ABI3BP: variants seen among roughly 807,000 people sequenced by gnomAD.
The protein encoded by ABI3BP is target of Nesh-SH3.
In ABI3BP, 216 loss-of-function variants were observed where a neutral mutation model predicts 268.6. The observed-to-expected ratio is 0.80, with a 90% CI of 0.72 to 0.90. ABI3BP has a LOEUF of 0.90. Among genes scored for constraint, ABI3BP ranks in the 40% least tolerant of loss-of-function variants. The probability of loss-of-function intolerance (pLI) is 0.00; values close to 1 mark genes in which losing one functional copy is unlikely to be tolerated. For missense variants in ABI3BP, 2,090 were observed against 2,182.4 expected (o/e 0.96, Z 0.84); for synonymous variants, 730 against 730.0 (o/e 1.00, Z 0.00).
intron 1 of ABI3BP, among the ~76,000 whole-genome samples, chr3:100,976,032 T>C (rs778027385): frequency 3.3e-5 from 5 of 152,162 alleles, no homozygotes; most frequent in Non-Finnish European, 5.9e-5. Flanking sequence ...GTGATAACGG[T>C]CTGTGATTTT....
chr3:100,780,193 G>T lies in ABI3BP; in HGVS notation c.4179C>A (p.Pro1393=). ...CATTTCTATCAGCACCTGATGGCCT[G>T]GGTGCTTGCTTGACCCCTATGAGCA... ...NGVGTGVKQA[P]RPSGADRNVS... The change falls in exon 58 of 68, where the codon CCC becomes CCA. Residue 1393 remains proline (P), a synonymous_variant. Coordinates refer to ENST00000471714, the MANE Select transcript of ABI3BP (RefSeq NM_001375547.2). 6.2e-7 allele frequency: 1 copy of T among 1,612,700 alleles called. No homozygotes were observed. Among genetic ancestry groups the T allele is most frequent in the Non-Finnish European group, 8.5e-7 (1 of 1,179,080 alleles).
intron 1 of ABI3BP, among the ~76,000 whole-genome samples, chr3:100,927,208 A>G (rs1190779370): frequency 6.6e-6 from 1 of 152,110 alleles, no homozygotes; most frequent in African/African-American, 2.4e-5. Flanking sequence ...AATTCTCAAG[A>G]CATTTATTTT....
At chr3:100,844,890 CTT>C (rs1428897430) in intron 20 of ABI3BP, among the ~76,000 whole-genome samples, 2 of 152,162 alleles carry the variant, frequency 1.3e-5, no homozygotes, top group African/African-American at 4.8e-5. Context: ...ATTAAGAAGT[CTT>C]TTTGCTCAAA....
chr3:100,750,681 A>C, intron 67 of ABI3BP, 71 bp from the exon 68 acceptor site: 1 of 1,094,310 alleles, frequency 9.1e-7, no homozygotes, highest in Non-Finnish European at 1.3e-6. Flanking sequence ...CATAGATTGA[A>C]GGATGTCGTT....
intron 1 of ABI3BP, among the ~76,000 whole-genome samples, chr3:100,956,647 G>A (rs1255247900): frequency 6.6e-6 from 1 of 152,162 alleles, no homozygotes; most frequent in African/African-American, 2.4e-5. Context: ...CTAACCTAAC[G>A]AGTACAGCTG....
At chr3:100,966,743 A>C (rs2081440376) in intron 1 of ABI3BP, among the ~76,000 whole-genome samples, 1 of 152,208 alleles carries the variant, frequency 6.6e-6, no homozygotes, top group Non-Finnish European at 1.5e-5. Flanking sequence ...TAATGTGAGA[A>C]TGTCCTTCTT....
At chr3:100,752,135 C>A (rs141715370) in intron 66 of ABI3BP, among the ~76,000 whole-genome samples, 1 of 152,150 alleles carries the variant, frequency 6.6e-6, no homozygotes, top group Non-Finnish European at 1.5e-5. Context: ...TTTAGAGAGG[C>A]CTTCACCTTT....
intron 23 of ABI3BP, 35 bp from the exon 24 acceptor site, chr3:100,839,651 CAAG>C (rs1414524001): frequency 2.6e-6 from 4 of 1,533,940 alleles, no homozygotes; most frequent in South Asian, 1.2e-5. Context: ...TGAAATATTT[CAAG>C]AAGTGGCATC....
Position 100,809,591 on chromosome 3 carries a change from T to TA in ABI3BP, c.3607+820dup, listed in dbSNP as rs1419245402. 3.9e-5 allele frequency among the ~76,000 whole-genome samples: 6 copies of TA among 152,132 alleles called. No individual in the cohort carries two copies. In the East Asian group the frequency reaches 9.7e-4, roughly 25 times the overall value. ...TTAGTCAATGTGGATTTCTTTTAGT[T>TA]AAAAAACTGTAGGGTTTATAGGCAA... On this transcript the variant is annotated intron_variant, in intron 49 of 67. Transcript: ENST00000471714.
chr3:100,973,340 C>T lies in ABI3BP; in HGVS notation c.79+19966G>A, dbSNP rs1333333918. 3.3e-5 allele frequency among the ~76,000 whole-genome samples: 5 copies of T among 152,252 alleles called. No individual in the cohort carries two copies. In the East Asian group the frequency reaches 9.7e-4, roughly 29 times the overall value. On this transcript the variant is annotated intron_variant, in intron 1 of 67. Transcript: ENST00000471714. ...CCAGTGGCTCACAGGAATCCAACTC[C>T]ATATTTCCCCATAGAAACAACGGTT... is the stretch of plus-strand genomic sequence containing the variant.
rs979617489 is a variant in ABI3BP, at chr3:100,873,856, T to C, written c.910+985A>G. On this transcript the variant is annotated intron_variant, in intron 9 of 67. Transcript: ENST00000471714. ...TTTTGACATAGGGTAATGCATAGTA[T>C]TTGTTGAATGACTGTGGCCAAACAG... Among the ~76,000 whole-genome samples, 41 of 152,268 alleles carry C rather than the reference T, an allele frequency of 2.7e-4. 1 individual carries two copies. Among genetic ancestry groups the C allele is most frequent in the Admixed American group, 2.4e-3 (36 of 15,290 alleles).
At chr3:100,751,452 A>T (rs2095322644) in intron 67 of ABI3BP, 100 bp downstream of exon 67, 10 of 1,269,046 alleles carry the variant, frequency 7.9e-6, no homozygotes, top group Non-Finnish European at 1.0e-5. Context: ...GAGCAGTAGT[A>T]CTATAGAATT....
chr3:100,918,049 AT>A (rs1004075449), intron 2 of ABI3BP, among the ~76,000 whole-genome samples: 2 of 152,182 alleles, frequency 1.3e-5, no homozygotes, highest in Non-Finnish European at 2.9e-5. Flanking sequence ...GGAAAAAAAA[AT>A]CAAATGATTC....
chr3:100,792,072 A>G (rs2097210602), intron 55 of ABI3BP, among the ~76,000 whole-genome samples: 1 of 151,876 alleles, frequency 6.6e-6, no homozygotes, highest in East Asian at 1.9e-4. Flanking sequence ...AGTAGGATAG[A>G]AAAGTGTAAA....
At chr3:100,780,955 T>C (rs1177488648) in intron 57 of ABI3BP, among the ~76,000 whole-genome samples, 8 of 152,310 alleles carry the variant, frequency 5.3e-5, no homozygotes, top group Admixed American at 4.6e-4. Context: ...TTCTTTGATA[T>C]TATAAAATAA....
At chr3:100,990,337 A>C (rs962946867) in intron 1 of ABI3BP, among the ~76,000 whole-genome samples, 5 of 152,154 alleles carry the variant, frequency 3.3e-5, no homozygotes, top group Admixed American at 3.3e-4. Context: ...AGTTATCATT[A>C]GTCCCATTTT....
intron 1 of ABI3BP, among the ~76,000 whole-genome samples, chr3:100,965,487 G>A (rs1315326212): frequency 8.3e-6 from 1 of 119,908 alleles, no homozygotes; most frequent in Non-Finnish European, 1.7e-5. Flanking sequence ...AACATGGAAA[G>A]CCTTTATTCT....
At chr3:100,938,301 A>T (rs930804649) in intron 1 of ABI3BP, among the ~76,000 whole-genome samples, 1 of 67,788 alleles carries the variant, frequency 1.5e-5, no homozygotes, top group Non-Finnish European at 3.3e-5. Context: ...CCTAAAAGTT[A>T]AAAAAAAAAA....
chr3:100,796,438 G>A lies in ABI3BP; in HGVS notation c.3788C>T (p.Pro1263Leu), dbSNP rs759096268. The A allele has an allele frequency of 1.2e-6, 2 of 1,601,014 alleles. No homozygotes were observed. The highest frequency in any genetic ancestry group is 3.4e-5 in the Admixed American group (2 of 58,830). Residue 1263 changes from proline to leucine, a missense_variant, in exon 52 of 68, where the codon CCA becomes CTA. By Grantham distance (98) the Pro-to-Leu change is moderately conservative. Transcript: ENST00000471714. Reference protein sequence around the residue: ...APKDVLLPHKPYPEVSQSEPV... With the variant: ...APKDVLLPHKLYPEVSQSEPV... ...TTCGCTCTGAGAGACCTCAGGGTAT[G>A]GTTTATGAGGAAGGAGCACATCTTT...
Sources: gnomAD v4.1 joint callset for allele counts (sites outside exome capture counted in the v4.1 genomes callset) on GRCh38, gnomAD v4.1.1 for gene constraint, MANE v1.5 for transcripts, NCBI Gene and HGNC (gene_info 2026-07-23, HGNC 2026-07-21) for gene names.